Variants in RAD21 observed in about 807,000 individuals in gnomAD.
The protein encoded by RAD21 is RAD21 cohesin complex component, also known as double-strand-break repair protein rad21 homolog.
In RAD21, 18 loss-of-function variants were observed where a neutral mutation model predicts 71.5. The observed-to-expected ratio is 0.25, with a 90% CI of 0.17 to 0.37. The LOEUF (loss-of-function observed/expected upper bound fraction) is 0.37, where lower values mean the gene tolerates loss of function less well. Ranked by LOEUF, RAD21 falls within the 10% of genes least tolerant of loss-of-function variation. The probability of loss-of-function intolerance (pLI) is 1.00; values close to 1 mark genes in which losing one functional copy is unlikely to be tolerated. For missense variants in RAD21, 493 were observed against 769.1 expected, an observed-to-expected ratio of 0.64 and a Z score of 4.25; for synonymous variants, 248 against 254.0, an observed-to-expected ratio of 0.98 and a Z score of 0.22.
Position 116,867,217 on chromosome 8 carries a change from T to C in RAD21, c.-32-456A>G, listed in dbSNP as rs16889052. On this transcript the variant is annotated intron_variant, in intron 1 of 13. Coordinates refer to ENST00000297338, the MANE Select transcript of RAD21 (RefSeq NM_006265.3). The stretch of plus-strand genomic sequence containing the variant: ...GATAAATTATCTGTAAAATTGCTAC[T>C]ACACGAAAAGTACTGTACTAAGCAT... Among the ~76,000 whole-genome samples the C allele has an allele frequency of 4.3e-3, 652 of 152,296 alleles. 12 individuals are homozygous for C. Among genetic ancestry groups the C allele is most frequent in the Admixed American group, 0.04 (615 of 15,290 alleles).
Position 116,856,746 on chromosome 8 carries a change from A to G in RAD21, c.714T>C (p.Asp238=), listed in dbSNP as rs751493727. 3 of 1,548,960 alleles carry G rather than the reference A, an allele frequency of 1.9e-6. No individual in the cohort carries two copies. In the African/African-American group the frequency reaches 4.2e-5, roughly 21 times the overall value. Residue 238 remains aspartate (D), a synonymous_variant, in exon 7 of 14, where the codon GAT becomes GAC. Transcript: ENST00000297338. ...ILDDKLISNN[D]GGIFDDPPAL... ...CAGGGGGATCATCAAAGATACCGCC[A>G]TCATTATTACTAATAAGTTTGTCAT...
Position 116,847,487 on chromosome 8 carries a change from T to G in RAD21, c.*13A>C, listed in dbSNP as rs1563686688. 6.3e-7 allele frequency: 1 copy of G among 1,586,076 alleles called. No individual in the cohort carries two copies. On this transcript the variant is annotated 3_prime_UTR_variant, in exon 14 of 14. Transcript: ENST00000297338. The stretch of plus-strand genomic sequence containing the variant: ...CTAGTGAATCAAACACTAGCTATAA[T>G]GCTTCTAGCTCCTTATATAATATGG...
intron 5 of RAD21, 70 bp from the exon 6 acceptor site, chr8:116,857,543 A>T: frequency 8.1e-6 from 10 of 1,239,696 alleles, no homozygotes; most frequent in Non-Finnish European, 1.1e-5. Context: ...GAAAACTGCT[A>T]ATGATTTATT....
At chr8:116,856,437 G>A (rs1563690156) in intron 7 of RAD21, 149 bp from the exon 8 acceptor site, 1 of 1,290,302 alleles carries the variant, frequency 7.8e-7, no homozygotes, top group Non-Finnish European at 1.0e-6. Flanking sequence ...TAATGGGAAA[G>A]CCCCGCCAGA....
chr8:116,855,135 TA>T (rs538273075), intron 8 of RAD21, among the ~76,000 whole-genome samples: 14 of 149,334 alleles, frequency 9.4e-5, no homozygotes, highest in South Asian at 8.5e-4. Context: ...GTTCAACACT[TA>T]AAAAAAAAAT....
chr8:116,858,562 C>A (rs1038182033), intron 4 of RAD21, 104 bp from the exon 5 acceptor site: 3 of 804,222 alleles, frequency 3.7e-6, no homozygotes, highest in Non-Finnish European at 3.9e-6. Flanking sequence ...TATGTATAAC[C>A]CACCAAGTTT....
Position 116,856,265 on chromosome 8 carries a change from A to T in RAD21, c.838T>A (p.Ser280Thr), listed in dbSNP as rs2130466663. The change falls in exon 8 of 14, where the codon TCA (serine) becomes ACA (threonine). Residue 280 changes from serine to threonine, a missense_variant. Ser to Thr is a moderately conservative substitution (Grantham distance 58, BLOSUM62 1). Transcript: ENST00000297338. Reference sequence around the variant, plus strand: ...GGCATTGGTTCAACGGGATCCACTGAATCAGGACTATCAGGCCCACCCACT... The same window carrying T: ...GGCATTGGTTCAACGGGATCCACTGTATCAGGACTATCAGGCCCACCCACT... ...VSMGGPDSPDSVDPVEPMPTM... is the reference protein window; with the variant it reads ...VSMGGPDSPDTVDPVEPMPTM... 6.4e-7 allele frequency: 1 copy of T among 1,568,038 alleles called. No homozygotes were observed. Among genetic ancestry groups the T allele is most frequent in the Middle Eastern group, 1.7e-4 (1 of 5,766 alleles).
intron 1 of RAD21, among the ~76,000 whole-genome samples, chr8:116,867,404 T>C (rs977883567): frequency 6.6e-6 from 1 of 152,308 alleles, no homozygotes; most frequent in South Asian, 2.1e-4. Flanking sequence ...AAATATTAAA[T>C]CAGGGACAAT....
chr8:116,850,580 T>A, intron 12 of RAD21, 38 bp downstream of exon 12: 1 of 1,594,898 alleles, frequency 6.3e-7, no homozygotes, highest in South Asian at 1.1e-5. Context: ...GTTGGAGGTT[T>A]TTGCTAAATC....
At position 116,857,445 on chromosome 8, in the gene RAD21, T is replaced by G; in HGVS notation, c.510A>C (p.Ile170=). Residue 170 remains isoleucine, a synonymous_variant, in exon 6 of 14, where the codon ATA becomes ATC. Transcript: ENST00000297338. The stretch of plus-strand genomic sequence containing the variant: ...CCTCAAAAGCACTGCCTTCTCTCAT[T>G]ATCTCACGATCATCCATTCCAAAAT... ...FGDFGMDDRE[I]MREGSAFEDD... 6.2e-7 allele frequency: 1 copy of G among 1,613,334 alleles called. No individual in the cohort carries two copies. The highest frequency in any genetic ancestry group is 8.5e-7 in the Non-Finnish European group (1 of 1,179,680).
At chr8:116,854,077 A>G (rs1586265895) in intron 9 of RAD21, among the ~76,000 whole-genome samples, 168 bp downstream of exon 9, 1 of 147,616 alleles carries the variant, frequency 6.8e-6, no homozygotes, top group African/African-American at 2.7e-5. Flanking sequence ...ACTTATCCAT[A>G]TATTTCAGAT....
chr8:116,873,526 G>GA (rs5894357), intron 1 of RAD21, among the ~76,000 whole-genome samples: 13,247 of 152,174 alleles, frequency 0.087, 1,153 homozygotes, highest in African/African-American at 0.22. Context: ...ATTTTTGCCT[G>GA]AAAACCAATT....
At chr8:116,864,149 AAAAC>A (rs1330621425) in intron 2 of RAD21, among the ~76,000 whole-genome samples, 1 of 152,084 alleles carries the variant, frequency 6.6e-6, no homozygotes, top group Non-Finnish European at 1.5e-5. Flanking sequence ...AGTAGTTGAT[AAAAC>A]AATGAGATAA....
At position 116,863,083 on chromosome 8, in the gene RAD21, C is replaced by T. The variant is rs374067246; in HGVS notation, c.274+47G>A. 1.9e-6 allele frequency: 3 copies of T among 1,556,206 alleles called. No individual in the cohort carries two copies. The African/African-American group carries it at 4.3e-5, about 22-fold the overall frequency. Reference sequence around the variant, plus strand: ...ACAGTAACACAAAAAACATGAGAAACTCCAAAGTAAACAACAACAACAAAA... The same window carrying T: ...ACAGTAACACAAAAAACATGAGAAATTCCAAAGTAAACAACAACAACAAAA... On this transcript the variant is annotated intron_variant, in intron 3 of 13. Coordinates refer to ENST00000297338, the MANE Select transcript of RAD21 (RefSeq NM_006265.3).
chr8:116,873,582 C>T (rs994563436), intron 1 of RAD21, among the ~76,000 whole-genome samples: 2 of 150,910 alleles, frequency 1.3e-5, no homozygotes, highest in African/African-American at 4.9e-5. Context: ...CTTTCCCTTG[C>T]AAAAAGAAGC....
Position 116,864,040 on chromosome 8 carries a change from T to C in RAD21, c.145-781A>G, listed in dbSNP as rs114032249. On this transcript the variant is annotated intron_variant, in intron 2 of 13. Transcript: ENST00000297338. ...AAGCATACTAATTGATAAAGAACAA[T>C]AGTATCCATAGCTTTTTTTCACCAG... is the stretch of plus-strand genomic sequence containing the variant. Among the ~76,000 whole-genome samples, 882 of 152,104 alleles carry C rather than the reference T, an allele frequency of 5.8e-3. 11 individuals are homozygous for C. The highest frequency in any genetic ancestry group is 0.02 in the African/African-American group (830 of 41,510).
chr8:116,866,458 A>C, intron 2 of RAD21, 128 bp downstream of exon 2: 1 of 766,548 alleles, frequency 1.3e-6, no homozygotes, highest in South Asian at 2.5e-5. Flanking sequence ...TTCACATAAT[A>C]AAGAAACATT....
Position 116,852,032 on chromosome 8 carries a change from G to T in RAD21, c.1386C>A (p.Asn462Lys). The T allele has an allele frequency of 1.2e-6, 2 of 1,612,980 alleles. No individual in the cohort carries two copies. Among genetic ancestry groups the T allele is most frequent in the Non-Finnish European group, 1.7e-6 (2 of 1,179,078 alleles). Residue 462 changes from asparagine to lysine, a missense_variant, in exon 11 of 14, where the codon AAC becomes AAA. Physicochemically the swap from Asn to Lys is moderately conservative, Grantham distance 94. Around this residue, in one of 5 missense-constraint regions of RAD21, gnomAD observed 225 missense variants for 218.3 expected, o/e 1.03. Transcript: ENST00000297338. The stretch of plus-strand genomic sequence containing the variant: ...GTGGAGGCATAGCTGACTCATCTAT[G>T]TTTGTTCTGCTGGCCTCCATCACTG... The part of the protein sequence containing the change: ...QESVMEASRT[N>K]IDESAMPPPP...
intron 1 of RAD21, among the ~76,000 whole-genome samples, chr8:116,873,957 G>C (rs922982558): frequency 1.3e-5 from 2 of 152,164 alleles, no homozygotes; most frequent in Non-Finnish European, 2.9e-5. Flanking sequence ...ACTTCCCTCC[G>C]TCTCTTTTTC....
Sources: gnomAD v4.1 joint callset for allele counts (sites outside exome capture counted in the v4.1 genomes callset) on GRCh38, gnomAD v4.1.1 for gene constraint, gnomAD v4.1.1 regional missense constraint, MANE v1.5 for transcripts, NCBI Gene and HGNC (gene_info 2026-07-23, HGNC 2026-07-21) for gene names.